The following GRIK2 variants were observed in gnomAD, a reference collection of about 807,000 sequenced individuals.
GRIK2 encodes the protein glutamate receptor ionotropic, kainate 2.
Under a neutral mutation model 100.3 loss-of-function variants are expected in GRIK2, and 32 were observed. That is an observed-to-expected ratio of 0.32 (90% CI 0.24 to 0.43). The LOEUF is 0.43. Among genes scored for constraint, GRIK2 ranks in the 20% least tolerant of loss-of-function variants. The pLI, the probability that GRIK2 is intolerant of heterozygous loss-of-function variation, is 1.00. For synonymous variants in GRIK2, 417 were observed against 389.4 expected (o/e 1.07, Z -0.83); for missense variants, 843 against 1,114.9 (o/e 0.76, Z 3.47).
chr6:101,876,187 C>T (rs966594293), intron 11 of GRIK2, among the ~76,000 whole-genome samples: 47 of 151,794 alleles, frequency 3.1e-4, no homozygotes, highest in South Asian at 1.2e-3. Flanking sequence ...GTTTGAAACA[C>T]GAAATTGTCA....
At position 101,593,453 on chromosome 6, in the gene GRIK2, T is replaced by C. The variant is rs531315751; in HGVS notation, c.116-28496T>C. Among the ~76,000 whole-genome samples, 54 of 152,062 alleles carry C rather than the reference T, an allele frequency of 3.6e-4. No homozygotes were observed. The South Asian group carries it at 0.011, about 30-fold the overall frequency. ...GTGCTTTCACTGTTCCTCTGACTCT[T>C]TCAAACATACCATGAGCTAGGCAGG... is the stretch of plus-strand genomic sequence containing the variant. On this transcript the variant is annotated intron_variant, in intron 2 of 16. Transcript: ENST00000369134.
intron 2 of GRIK2, among the ~76,000 whole-genome samples, chr6:101,401,346 CG>C (rs1775293093): frequency 6.6e-6 from 1 of 152,056 alleles, no homozygotes; most frequent in South Asian, 2.1e-4. Context: ...TAGCAGAGTG[CG>C]TAGCAGCTTT....
rs140721003 is a variant in GRIK2, at chr6:101,887,342, C to T, written c.1525-2298C>T. Among the ~76,000 whole-genome samples the T allele has an allele frequency of 2.5e-4, 38 of 152,098 alleles. No individual in the cohort carries two copies. The East Asian group carries it at 6.4e-3, about 26-fold the overall frequency. Reference sequence around the variant, plus strand: ...CTGTCAATTAAAAAATAAAAAGTTACCACTTTATAGCATATTCGCTTATAT... The same window carrying T: ...CTGTCAATTAAAAAATAAAAAGTTATCACTTTATAGCATATTCGCTTATAT... On this transcript the variant is annotated intron_variant, in intron 11 of 16. Transcript: ENST00000369134.
intron 2 of GRIK2, among the ~76,000 whole-genome samples, chr6:101,454,088 A>G (rs190907926): frequency 6.6e-6 from 1 of 152,180 alleles, no homozygotes; most frequent in Non-Finnish European, 1.5e-5. Context: ...CCTACCGTAG[A>G]CTGAAGGAAG....
At chr6:101,645,608 A>G (rs566256131) in intron 4 of GRIK2, among the ~76,000 whole-genome samples, 1 of 151,988 alleles carries the variant, frequency 6.6e-6, no homozygotes, top group Non-Finnish European at 1.5e-5. Flanking sequence ...GCATAATGTA[A>G]TAATTCTCCA....
At chr6:101,750,547 A>G (rs1468156864) in intron 7 of GRIK2, among the ~76,000 whole-genome samples, 1 of 152,228 alleles carries the variant, frequency 6.6e-6, no homozygotes, top group East Asian at 1.9e-4. Context: ...TAGCTGATTA[A>G]TGGCAGACAA....
intron 2 of GRIK2, among the ~76,000 whole-genome samples, chr6:101,553,011 A>C (rs999259540): frequency 6.6e-6 from 1 of 152,230 alleles, no homozygotes; most frequent in Admixed American, 6.5e-5. Context: ...TTATGCCTCA[A>C]AGTTACCCCA....
chr6:101,693,766 C>T (rs928511334), intron 7 of GRIK2, among the ~76,000 whole-genome samples: 1 of 151,630 alleles, frequency 6.6e-6, no homozygotes, highest in African/African-American at 2.4e-5. Context: ...CTTGTAGGAT[C>T]ATATGCATAT....
At chr6:102,024,079 G>A (rs1769568873) in intron 14 of GRIK2, among the ~76,000 whole-genome samples, 1 of 150,764 alleles carries the variant, frequency 6.6e-6, no homozygotes, top group Non-Finnish European at 1.5e-5. Context: ...AGTAAATTCA[G>A]GTGTTGAAAA....
chr6:101,585,985 A>G (rs1778337281), intron 2 of GRIK2, among the ~76,000 whole-genome samples: 3 of 152,050 alleles, frequency 2.0e-5, no homozygotes, highest in Admixed American at 6.6e-5. Flanking sequence ...TTAAAATATA[A>G]AATTAGAGGA....
At position 101,844,299 on chromosome 6, in the gene GRIK2, A is replaced by G. The variant is rs1283734974; in HGVS notation, c.1318-14988A>G. 3.3e-5 allele frequency among the ~76,000 whole-genome samples: 5 copies of G among 152,194 alleles called. No homozygotes were observed. The South Asian group carries it at 8.3e-4, about 25-fold the overall frequency. ...TATCTTATTTACACTATTACTCATT[A>G]AACTTTCAGAGTTGAGGAAAAGCAA... On this transcript the variant is annotated intron_variant, in intron 10 of 16. Transcript: ENST00000369134.
intron 2 of GRIK2, among the ~76,000 whole-genome samples, chr6:101,443,873 A>C (rs1005211232): frequency 6.6e-6 from 1 of 151,260 alleles, no homozygotes; most frequent in East Asian, 1.9e-4. Flanking sequence ...TTATTTTAAA[A>C]TTTATTTTAT....
At chr6:101,781,375 A>G (rs534650151) in intron 7 of GRIK2, among the ~76,000 whole-genome samples, 26 of 152,136 alleles carry the variant, frequency 1.7e-4, no homozygotes, top group East Asian at 3.9e-4. Flanking sequence ...TTTTACCTCA[A>G]TGTTCCTTGG....
At chr6:101,990,971 A>G (rs1386354056) in intron 14 of GRIK2, among the ~76,000 whole-genome samples, 2 of 151,934 alleles carry the variant, frequency 1.3e-5, no homozygotes, top group African/African-American at 4.8e-5. Flanking sequence ...ATCAATAAAT[A>G]TTTATTTACC....
chr6:102,016,670 G>A (rs751293600), intron 14 of GRIK2, among the ~76,000 whole-genome samples: 5 of 151,926 alleles, frequency 3.3e-5, no homozygotes, highest in East Asian at 1.9e-4. Flanking sequence ...TCAAAGAGAC[G>A]GGGAGAATAA....
intron 2 of GRIK2, among the ~76,000 whole-genome samples, chr6:101,609,115 T>A (rs1779564968): frequency 6.6e-6 from 1 of 151,864 alleles, no homozygotes. Context: ...TGTACATTAT[T>A]TCTGCATTAG....
intron 2 of GRIK2, among the ~76,000 whole-genome samples, chr6:101,510,876 G>A (rs906457112): frequency 1.3e-5 from 2 of 152,054 alleles, no homozygotes; most frequent in African/African-American, 4.8e-5. Context: ...AAAAAGGATA[G>A]TGGATACCAG....
chr6:101,920,937 GGGAA>G (rs1789453230), intron 12 of GRIK2, among the ~76,000 whole-genome samples: 1 of 151,922 alleles, frequency 6.6e-6, no homozygotes, highest in African/African-American at 2.4e-5. Context: ...AAAATCAACT[GGGAA>G]GCGGTATATA....
chr6:101,475,061 G>A (rs1459507158), intron 2 of GRIK2, among the ~76,000 whole-genome samples: 1 of 151,698 alleles, frequency 6.6e-6, no homozygotes, highest in Non-Finnish European at 1.5e-5. Context: ...CTCTTGTGTT[G>A]ATCAATTATA....
Sources: gnomAD v4.1 joint callset for allele counts (sites outside exome capture counted in the v4.1 genomes callset) on GRCh38, gnomAD v4.1.1 for gene constraint, MANE v1.5 for transcripts, NCBI Gene and HGNC (gene_info 2026-07-23, HGNC 2026-07-21) for gene names.